Variants in NFIB observed in about 807,000 individuals in gnomAD.
NFIB encodes the protein nuclear factor 1 B-type.
Under a neutral mutation model 61.5 loss-of-function variants are expected in NFIB, and 11 were observed. That is an observed-to-expected ratio of 0.18 (90% confidence interval 0.11 to 0.30). The LOEUF (loss-of-function observed/expected upper bound fraction) is 0.30. NFIB is among the 10% of genes least tolerant of loss of function. NFIB has a pLI of 1.00. For synonymous variants in NFIB, 260 were observed against 216.5 expected, an observed-to-expected ratio of 1.20 and a Z score of -1.76; for missense variants, 471 against 608.9, an observed-to-expected ratio of 0.77 and a Z score of 2.38.
At chr9:14,366,230 C>T (rs2061298414) in intron 1 of NFIB, among the ~76,000 whole-genome samples, 1 of 152,122 alleles carries the variant, frequency 6.6e-6, no homozygotes, top group South Asian at 2.1e-4. Context: ...TTACGCATAC[C>T]AGAAGACACA....
chr9:14,246,611 T>C (rs1351761687), intron 2 of NFIB, among the ~76,000 whole-genome samples: 1 of 152,216 alleles, frequency 6.6e-6, no homozygotes, highest in African/African-American at 2.4e-5. Flanking sequence ...GAAGAGCTTT[T>C]GCTGTAAATG....
the NFIB span, among the ~76,000 whole-genome samples, chr9:14,453,956 T>C: frequency 6.6e-6 from 1 of 151,864 alleles, no homozygotes; most frequent in Non-Finnish European, 1.5e-5. Flanking sequence ...TGGGCACCTG[T>C]AGTCCCAGCT....
At chr9:14,265,226 G>A (rs1217307429) in intron 2 of NFIB, among the ~76,000 whole-genome samples, 1 of 152,162 alleles carries the variant, frequency 6.6e-6, no homozygotes, top group East Asian at 1.9e-4. Flanking sequence ...TATAAATGAT[G>A]AACAGTATTC....
At chr9:14,422,500 A>ACT in the NFIB span, among the ~76,000 whole-genome samples, 2 of 151,972 alleles carry the variant, frequency 1.3e-5, no homozygotes, top group African/African-American at 4.8e-5. Flanking sequence ...ATTAGCTGGA[A>ACT]CTCTTTCAAT....
At chr9:14,128,231 A>C (rs2039939719) in intron 6 of NFIB, among the ~76,000 whole-genome samples, 1 of 152,190 alleles carries the variant, frequency 6.6e-6, no homozygotes. Context: ...ATCACTTGCC[A>C]TTCCAAATTT....
At chr9:14,097,867 TC>T (rs202143418) in intron 10 of NFIB, among the ~76,000 whole-genome samples, 2 of 144,782 alleles carry the variant, frequency 1.4e-5, no homozygotes, top group African/African-American at 5.1e-5. Context: ...TTTCTTTCTT[TC>T]TTTTTTCTTT....
chr9:14,377,546 C>G (rs574050409), intron 1 of NFIB, among the ~76,000 whole-genome samples: 1 of 152,222 alleles, frequency 6.6e-6, no homozygotes, highest in South Asian at 2.1e-4. Context: ...GCACCTATAC[C>G]CAGTACATTA....
rs2038761899 is a variant in NFIB, at chr9:14,120,363, G to T, written c.1245+77C>A. On this transcript the variant is annotated intron_variant, in intron 8 of 10. Transcript: ENST00000380953. This position sits in a 1 kb window ranked among gnomAD's most constrained non-coding sequence, Gnocchi z 4.4. ...TGACGTTCTGCCAGACACACTGTCT[G>T]ACTAACCTTTGTGTCTCAGAATTAG... 1 of 1,450,144 alleles carries T rather than the reference G, an allele frequency of 6.9e-7. No homozygotes were observed. Among genetic ancestry groups the T allele is most frequent in the Non-Finnish European group, 9.7e-7 (1 of 1,033,640 alleles). The allele number at this position is 1,450,144 out of a possible 1,614,324, so 89.8% of individuals were successfully genotyped here.
intron 1 of NFIB, among the ~76,000 whole-genome samples, chr9:14,342,811 T>A (rs2060968035): frequency 6.6e-6 from 1 of 152,176 alleles, no homozygotes; most frequent in Non-Finnish European, 1.5e-5. Flanking sequence ...GTGTGTTTTA[T>A]AACATCGATG....
At chr9:14,398,474 G>T in intron 1 of NFIB, 1 of 1,312,446 alleles carries the variant, frequency 7.6e-7, no homozygotes, top group African/African-American at 1.5e-5. Context: ...CTAAGAAGTT[G>T]GGACCTATTT....
the NFIB span, among the ~76,000 whole-genome samples, chr9:14,485,607 G>A: frequency 2.6e-4 from 40 of 152,208 alleles, 1 homozygote; most frequent in African/African-American, 8.9e-4. Context: ...GGGCACGGTG[G>A]CTCAAGCCTG....
At chr9:14,140,437 G>A (rs2041557729) in intron 6 of NFIB, among the ~76,000 whole-genome samples, 1 of 152,074 alleles carries the variant, frequency 6.6e-6, no homozygotes, top group South Asian at 2.1e-4. Flanking sequence ...GAAATAAAAG[G>A]TTCTGAAGTC....
intron 2 of NFIB, among the ~76,000 whole-genome samples, chr9:14,242,808 A>G (rs1443338615): frequency 6.6e-6 from 1 of 152,220 alleles, no homozygotes; most frequent in Non-Finnish European, 1.5e-5. Flanking sequence ...GGTTCAATTA[A>G]ACCAAGATGG....
intron 1 of NFIB, among the ~76,000 whole-genome samples, chr9:14,388,954 T>C (rs1010071387): frequency 2.0e-5 from 3 of 152,204 alleles, no homozygotes; most frequent in African/African-American, 7.2e-5. Context: ...TTTTTCATGC[T>C]GGGGCTGTAT....
the NFIB span, among the ~76,000 whole-genome samples, chr9:14,485,323 C>T: frequency 6.6e-6 from 1 of 151,836 alleles, no homozygotes; most frequent in African/African-American, 2.4e-5. Flanking sequence ...ATCTAAACCC[C>T]AAATTGCAGA....
At chr9:14,193,562 T>C (rs1230162907) in intron 2 of NFIB, among the ~76,000 whole-genome samples, 2 of 152,180 alleles carry the variant, frequency 1.3e-5, no homozygotes, top group Non-Finnish European at 2.9e-5. Flanking sequence ...AAGTCCCCAC[T>C]GGACATGAGG....
In NFIB at chr9:14,307,598, A is replaced by T. The variant is rs192602115; in HGVS notation, c.31-78T>A. ...AAAGCTCAAAAAATAAGAAAAGAAG[A>T]CCACAACCCGTTTCCAATTCAGTAC... On this transcript the variant is annotated intron_variant, in intron 1 of 10. Coordinates refer to ENST00000380953, the MANE Select transcript of NFIB (RefSeq NM_001190737.2). The surrounding 1 kb of genome is among the most constrained non-coding windows in gnomAD (Gnocchi z 5.3). 11 of 1,366,380 alleles carry T rather than the reference A, an allele frequency of 8.1e-6. No individual in the cohort carries two copies. The Admixed American group carries it at 1.0e-4, about 13-fold the overall frequency. The allele number at this position is 1,366,380 out of a possible 1,614,324, so 84.6% of individuals were successfully genotyped here.
At chr9:14,189,989 G>A (rs1359394889) in intron 2 of NFIB, among the ~76,000 whole-genome samples, 1 of 151,932 alleles carries the variant, frequency 6.6e-6, no homozygotes, top group Non-Finnish European at 1.5e-5. Flanking sequence ...TTGACTCAAT[G>A]ACCAAAAAGT....
chr9:14,216,592 A>G (rs1238905953), intron 2 of NFIB, among the ~76,000 whole-genome samples: 3 of 130,262 alleles, frequency 2.3e-5, no homozygotes, highest in Non-Finnish European at 4.8e-5. Flanking sequence ...GTGTGTGTGT[A>G]GCATTGACAA....
Sources: allele counts gnomAD v4.1 joint callset (sites outside exome capture counted in the v4.1 genomes callset), GRCh38; gene constraint gnomAD v4.1.1; non-coding constraint Gnocchi (gnomAD v3.1); transcripts MANE v1.5; gene names NCBI Gene and HGNC (gene_info 2026-07-23, HGNC 2026-07-21).